The following MYO9A variants were observed in gnomAD, a reference collection of about 807,000 sequenced individuals.
MYO9A encodes myosin IXA, also known as unconventional myosin-IXa.
Under a neutral mutation model 293.3 loss-of-function variants are expected in MYO9A, and 103 were observed. That is an observed-to-expected ratio of 0.35 (90% CI 0.30 to 0.41). The LOEUF is 0.41. Among genes scored for constraint, MYO9A ranks in the 10% least tolerant of loss-of-function variants. MYO9A has a pLI of 1.00. For synonymous variants in MYO9A, 1,001 were observed against 1,035.7 expected (o/e 0.97, Z 0.64); for missense variants, 2,685 against 3,033.0 (o/e 0.89, Z 2.69).
chr15:71,943,983 A>G (rs543930438), intron 15 of MYO9A, among the ~76,000 whole-genome samples: 15 of 152,140 alleles, frequency 9.9e-5, no homozygotes, highest in Non-Finnish European at 1.8e-4. Context: ...CAGTGCCAAG[A>G]GACAGTAGGA....
intron 14 of MYO9A, among the ~76,000 whole-genome samples, chr15:71,955,864 C>A (rs2957725): frequency 0.69 from 104,453 of 151,936 alleles, 36,727 homozygotes; most frequent in Non-Finnish European, 0.76. Context: ...GACCCTCTAG[C>A]CCTAGGCAAA....
rs74847949 is a variant in MYO9A, at chr15:72,093,092, C to A, written c.-72+24588G>T. 8.3e-4 allele frequency among the ~76,000 whole-genome samples: 126 copies of A among 152,156 alleles called. 5 individuals are homozygous for A. In the East Asian group the frequency reaches 0.022, roughly 27 times the overall value. On this transcript the variant is annotated intron_variant, in intron 1 of 41. Coordinates refer to ENST00000356056, the MANE Select transcript of MYO9A (RefSeq NM_006901.4). ...GCACCACAAATGAAAAGCAAGCAAG[C>A]AAAGAATACCAACACACATGCAAAA...
intron 15 of MYO9A, among the ~76,000 whole-genome samples, chr15:71,949,506 G>A (rs2059003864): frequency 6.6e-6 from 1 of 150,824 alleles, no homozygotes; most frequent in African/African-American, 2.4e-5. Flanking sequence ...CATTTCCTAT[G>A]GGACTCCAAT....
At chr15:72,038,101 T>C (rs1433810638) in intron 2 of MYO9A, among the ~76,000 whole-genome samples, 1 of 152,068 alleles carries the variant, frequency 6.6e-6, no homozygotes, top group Non-Finnish European at 1.5e-5. Context: ...TTCCATTTTT[T>C]TGTAGAGACA....
intron 4 of MYO9A, among the ~76,000 whole-genome samples, chr15:72,025,812 T>C (rs1331672134): frequency 6.6e-6 from 1 of 152,196 alleles, no homozygotes; most frequent in East Asian, 1.9e-4. Context: ...ACCTAACATA[T>C]GTTTATAGAA....
intron 2 of MYO9A, among the ~76,000 whole-genome samples, chr15:72,035,972 A>G (rs2078034410): frequency 6.6e-6 from 1 of 152,202 alleles, no homozygotes; most frequent in African/African-American, 2.4e-5. Flanking sequence ...AGAGGACTAT[A>G]AAAGGTAATA....
At chr15:71,960,282 T>A in intron 13 of MYO9A, 186 bp from the exon 14 acceptor site, 2 of 587,430 alleles carry the variant, frequency 3.4e-6, no homozygotes, top group Non-Finnish European at 6.0e-6. Flanking sequence ...CATGAATGGA[T>A]TGGGGCTCTC....
At position 72,094,246 on chromosome 15, in the gene MYO9A, AAGGAAG is replaced by A. The variant is rs1489813001; in HGVS notation, c.-72+23428_-72+23433del. On this transcript the variant is annotated intron_variant, in intron 1 of 41. Transcript: ENST00000356056. ...GAAAGAGGAAGGAGGAAGAAGAAAGAAGGAAGAGGAGGAGGAGGAGGAGGAATAAAA... is the reference window on the plus strand; with the variant it reads ...GAAAGAGGAAGGAGGAAGAAGAAAGAAGGAGGAGGAGGAGGAGGAATAAAA... Among the ~76,000 whole-genome samples the A allele has an allele frequency of 2.5e-4, 22 of 88,324 alleles. 3 individuals are homozygous for A. Among genetic ancestry groups the A allele is most frequent in the African/African-American group, 5.8e-4 (22 of 38,036 alleles). The allele number at this position is 88,324 out of a possible 152,430, so 57.9% of individuals were successfully genotyped here. A position where few individuals can be genotyped will look rare whatever the true frequency, so the allele number is the denominator to read the frequency against.
chr15:71,987,646 T>C (rs2076438914), intron 11 of MYO9A, among the ~76,000 whole-genome samples: 1 of 152,160 alleles, frequency 6.6e-6, no homozygotes, highest in Admixed American at 6.5e-5. Context: ...TTATTACATC[T>C]CTCTCCCATC....
At chr15:72,021,123 G>C in intron 4 of MYO9A, 106 bp from the exon 5 acceptor site, 1 of 657,078 alleles carries the variant, frequency 1.5e-6, no homozygotes, top group Non-Finnish European at 2.5e-6. Flanking sequence ...TATCAGCTTT[G>C]CTTCATTTTT....
At chr15:71,862,666 T>C in intron 32 of MYO9A, 55 bp from the exon 33 acceptor site, 3 of 1,185,678 alleles carry the variant, frequency 2.5e-6, no homozygotes, top group South Asian at 1.3e-5. Context: ...AATGCTGCCC[T>C]AACGTGGTGG....
At chr15:71,973,598 A>AG (rs2076067024) in intron 12 of MYO9A, among the ~76,000 whole-genome samples, 1 of 152,122 alleles carries the variant, frequency 6.6e-6, no homozygotes, top group Non-Finnish European at 1.5e-5. Flanking sequence ...TACTCTGGAA[A>AG]GGGGGATTGC....
chr15:72,102,658 G>A (rs1209126836), intron 1 of MYO9A, among the ~76,000 whole-genome samples: 2 of 152,026 alleles, frequency 1.3e-5, no homozygotes, highest in South Asian at 2.1e-4. Flanking sequence ...AGTTATACAC[G>A]TCTCTAATGG....
intron 1 of MYO9A, among the ~76,000 whole-genome samples, chr15:72,098,957 C>A (rs1467216163): frequency 2.7e-5 from 4 of 149,350 alleles, no homozygotes; most frequent in Non-Finnish European, 3.0e-5. Context: ...AAAAAAAAAA[C>A]AACTATAAAT....
At chr15:72,067,505 A>T (rs984456039) in intron 1 of MYO9A, among the ~76,000 whole-genome samples, 5 of 151,522 alleles carry the variant, frequency 3.3e-5, no homozygotes, top group Non-Finnish European at 7.4e-5. Flanking sequence ...CTGGTCTCAA[A>T]CTCCTGACCT....
chr15:71,933,827 C>G, intron 17 of MYO9A, 118 bp from the exon 18 acceptor site: 1 of 810,278 alleles, frequency 1.2e-6, no homozygotes, highest in Non-Finnish European at 2.0e-6. Flanking sequence ...TACCCATTAC[C>G]AAGACTGTAG....
chr15:72,050,078 A>G (rs2078508912), intron 1 of MYO9A, among the ~76,000 whole-genome samples: 1 of 151,930 alleles, frequency 6.6e-6, no homozygotes, highest in Non-Finnish European at 1.5e-5. Context: ...AGAAGTGTTT[A>G]CCTTTTTTGA....
Position 71,825,029 on chromosome 15 carries a change from A to AT in MYO9A, c.*1550_*1551insA, listed in dbSNP as rs1251960006. ...ATAGATGGTAAAGGCTCTTTTTCAG[A>AT]GCAGTGCATGTAGTAGCAAGACAAG... On this transcript the variant is annotated 3_prime_UTR_variant, in exon 42 of 42. Coordinates refer to ENST00000356056, the MANE Select transcript of MYO9A (RefSeq NM_006901.4). 1 of 152,250 alleles carries AT rather than the reference A, an allele frequency of 6.6e-6. No homozygotes were observed. The highest frequency in any genetic ancestry group is 1.5e-5 in the Non-Finnish European group (1 of 68,046). 9.4% of individuals were successfully genotyped at this position (152,250 alleles called of 1,614,324 possible). A position where few individuals can be genotyped will look rare whatever the true frequency, so the allele number is the denominator to read the frequency against.
chr15:72,029,600 G>A (rs1276554817), intron 3 of MYO9A, among the ~76,000 whole-genome samples: 2 of 152,148 alleles, frequency 1.3e-5, no homozygotes, highest in South Asian at 4.1e-4. Context: ...CCCAAGTTAC[G>A]TATGACTAGA....
Sources: gnomAD v4.1 joint callset for allele counts (sites outside exome capture counted in the v4.1 genomes callset) on GRCh38, gnomAD v4.1.1 for gene constraint, MANE v1.5 for transcripts, NCBI Gene and HGNC (gene_info 2026-07-23, HGNC 2026-07-21) for gene names.